The following ACTN4 variants were observed in gnomAD, a reference collection of about 807,000 sequenced individuals.
ACTN4 encodes the protein actinin alpha 4, also known as alpha-actinin-4.
Under a neutral mutation model 114.2 loss-of-function variants are expected in ACTN4, and 18 were observed. That is an observed-to-expected ratio of 0.16 (90% confidence interval 0.11 to 0.23). ACTN4 has a LOEUF of 0.23. Among genes scored for constraint, ACTN4 ranks in the 10% least tolerant of loss-of-function variants. ACTN4 has a pLI of 1.00. For missense variants in ACTN4, 722 were observed against 1,262.9 expected (o/e 0.57, Z 6.49); for synonymous variants, 515 against 506.3 (o/e 1.02, Z -0.23).
chr19:38,723,636 C>A lies in ACTN4; in HGVS notation c.1465C>A (p.His489Asn). The change falls in exon 13 of 21, where the codon CAC (histidine) becomes AAC (asparagine). Residue 489 changes from histidine to asparagine, a missense_variant. This residue lies in a region of ACTN4 where 523 missense variants were observed against 875.9 expected (regional missense o/e 0.60). Transcript: ENST00000252699. The stretch of plus-strand genomic sequence containing the variant: ...CAGCGAGCTGGATTACTACGACTCC[C>A]ACAATGTCAACACCCGGTGCCAGAA... ...ELNELDYYDS[H>N]NVNTRCQKIC... The A allele has an allele frequency of 6.2e-7, 1 of 1,613,214 alleles. No individual in the cohort carries two copies.
intron 1 of ACTN4, among the ~76,000 whole-genome samples, chr19:38,698,703 G>A (rs925142736): frequency 1.3e-5 from 2 of 152,136 alleles, no homozygotes; most frequent in African/African-American, 2.4e-5. Context: ...CACCAGGAGG[G>A]GTCTCTGTCT....
chr19:38,710,214 C>T (rs374145864), intron 7 of ACTN4, 43 bp from the exon 8 acceptor site: 301 of 1,605,628 alleles, frequency 1.9e-4, no homozygotes, highest in Non-Finnish European at 2.4e-4. Flanking sequence ...GCCTCCACCC[C>T]CCGCCCTACT....
In ACTN4 at chr19:38,727,257, G is replaced by A. The variant is rs1969267443; in HGVS notation, c.2337+154G>A. Among the ~76,000 whole-genome samples, 1 of 152,158 alleles carries A rather than the reference G, an allele frequency of 6.6e-6. No homozygotes were observed. Among genetic ancestry groups the A allele is most frequent in the African/African-American group, 2.4e-5 (1 of 41,434 alleles). ...AGCAGGGCCCTGCCACTGTCAGGGTGTAGGTGTGCGGCACCAAGACCCCAG... is the reference window on the plus strand; with the variant it reads ...AGCAGGGCCCTGCCACTGTCAGGGTATAGGTGTGCGGCACCAAGACCCCAG... On this transcript the variant is annotated intron_variant, in intron 18 of 20. Coordinates refer to ENST00000252699, the MANE Select transcript of ACTN4 (RefSeq NM_004924.6). This position sits in a 1 kb window ranked among gnomAD's most constrained non-coding sequence, Gnocchi z 5.4.
chr19:38,696,357 G>A (rs1020873696), intron 1 of ACTN4, among the ~76,000 whole-genome samples: 3 of 152,018 alleles, frequency 2.0e-5, no homozygotes, highest in Non-Finnish European at 4.4e-5. Flanking sequence ...TCATGAGGTC[G>A]GCTGCCCACA....
chr19:38,654,634 A>G (rs1176368324), intron 1 of ACTN4, among the ~76,000 whole-genome samples: 1 of 152,056 alleles, frequency 6.6e-6, no homozygotes, highest in African/African-American at 2.4e-5. Flanking sequence ...GCATCCTTAC[A>G]TCAGTGCATG....
intron 1 of ACTN4, among the ~76,000 whole-genome samples, chr19:38,696,874 G>A (rs1428028129): frequency 6.6e-6 from 1 of 152,264 alleles, no homozygotes; most frequent in Non-Finnish European, 1.5e-5. Context: ...GGCTTTGCCT[G>A]TGTCAGTCAG....
In ACTN4 at chr19:38,717,190, G is replaced by A. The variant is rs773044629; in HGVS notation, c.1017G>A (p.Arg339=). The change falls in exon 10 of 21, where the codon CGG becomes CGA. Residue 339 remains arginine (R), a synonymous_variant. Transcript: ENST00000252699. This position sits in a 1 kb window ranked among gnomAD's most constrained non-coding sequence, Gnocchi z 4.0. Reference sequence around the variant, plus strand: ...AGCTGGAGGACTTCCGCGACTACCGGCGTGTGCACAAGCCGCCCAAGGTGC... The same window carrying A: ...AGCTGGAGGACTTCCGCGACTACCGACGTGTGCACAAGCCGCCCAAGGTGC... ...QQKLEDFRDY[R]RVHKPPKVQE... The A allele has an allele frequency of 6.2e-7, 1 of 1,614,266 alleles. No individual in the cohort carries two copies. The highest frequency in any genetic ancestry group is 1.1e-5 in the South Asian group (1 of 91,086).
chr19:38,658,186 G>C (rs1335088057), intron 1 of ACTN4, among the ~76,000 whole-genome samples: 1 of 152,220 alleles, frequency 6.6e-6, no homozygotes, highest in African/African-American at 2.4e-5. Context: ...TTGATGAGGA[G>C]TGTGCATTTG....
Position 38,724,266 on chromosome 19 carries a change from A to G in ACTN4, c.1802A>G (p.Asn601Ser), listed in dbSNP as rs1969152919. The change falls in exon 15 of 21, where the codon AAC (asparagine) becomes AGC (serine). Residue 601 changes from asparagine (N) to serine (S), a missense_variant. Physicochemically the swap from Asn to Ser is conservative, Grantham distance 46. Coordinates refer to ENST00000252699, the MANE Select transcript of ACTN4 (RefSeq NM_004924.6). This position sits in a 1 kb window ranked among gnomAD's most constrained non-coding sequence, Gnocchi z 7.0. Reference protein sequence around the residue: ...HKEAQRIAESNHIKLSGSNPY... With the variant: ...HKEAQRIAESSHIKLSGSNPY... ...GAGGCCCAGAGGATCGCTGAGAGCA[A>G]CCACATCAAGCTGTCGGGCAGCAAC... 1 of 1,613,964 alleles carries G rather than the reference A, an allele frequency of 6.2e-7. No homozygotes were observed. Among genetic ancestry groups the G allele is most frequent in the Non-Finnish European group, 8.5e-7 (1 of 1,180,012 alleles).
chr19:38,649,429 A>G (rs920127580), intron 1 of ACTN4, among the ~76,000 whole-genome samples: 62 of 151,926 alleles, frequency 4.1e-4, no homozygotes, highest in African/African-American at 1.5e-3. Context: ...AGTTGGAAGC[A>G]TTTCGTGGGA....
intron 1 of ACTN4, among the ~76,000 whole-genome samples, chr19:38,672,674 A>G (rs548962787): frequency 6.6e-6 from 1 of 152,044 alleles, no homozygotes; most frequent in South Asian, 2.1e-4. Flanking sequence ...CCCGGGTTCA[A>G]GCAATTCTCC....
chr19:38,725,983 G>A lies in ACTN4; in HGVS notation c.2190+80G>A. 19 of 1,544,804 alleles carry A rather than the reference G, an allele frequency of 1.2e-5. No individual in the cohort carries two copies. The South Asian group carries it at 2.0e-4, about 16-fold the overall frequency. ...TGGAAATGGTTCGGGCCAGTGAGAA[G>A]ATAGCTGTCTGCTGTCTGTTGTTTT... On this transcript the variant is annotated intron_variant, in intron 17 of 20. Transcript: ENST00000252699.
At position 38,717,618 on chromosome 19, in the gene ACTN4, G is replaced by A. The variant is rs946719336; in HGVS notation, c.1143+302G>A. Among the ~76,000 whole-genome samples the A allele has an allele frequency of 3.9e-5, 6 of 152,208 alleles. No homozygotes were observed. The highest frequency in any genetic ancestry group is 7.3e-5 in the Non-Finnish European group (5 of 68,036). ...CGTGGTCTGCCATGATGGCATGACCGCCATGTGCTTGAGGCCCTTCATCAG... is the reference window on the plus strand; with the variant it reads ...CGTGGTCTGCCATGATGGCATGACCACCATGTGCTTGAGGCCCTTCATCAG... On this transcript the variant is annotated intron_variant, in intron 10 of 20. Transcript: ENST00000252699. This position sits in a 1 kb window ranked among gnomAD's most constrained non-coding sequence, Gnocchi z 4.0.
Position 38,730,612 on chromosome 19 carries a change from CTT to C in ACTN4, c.*1181_*1182del. The C allele has an allele frequency of 1.7e-6, 1 of 603,514 alleles. No individual in the cohort carries two copies. The highest frequency in any genetic ancestry group is 3.0e-6 in the Non-Finnish European group (1 of 337,746). The allele number at this position is 603,514 out of a possible 1,614,324, so 37.4% of individuals were successfully genotyped here. On this transcript the variant is annotated 3_prime_UTR_variant, in exon 21 of 21. Transcript: ENST00000252699. ...AGAGCCAGGGCAGAGCTAGCACTGT[CTT>C]AAGCTGTCAACGTGGACTAGCTCGT...
At position 38,727,972 on chromosome 19, in the gene ACTN4, G is replaced by C. The variant is rs1237849524; in HGVS notation, c.2364G>C (p.Glu788Asp). The change falls in exon 19 of 21, where the codon GAG becomes GAC. Residue 788 changes from glutamate to aspartate, a missense_variant. Transcript: ENST00000252699. This position sits in a 1 kb window ranked among gnomAD's most constrained non-coding sequence, Gnocchi z 5.4. Reference sequence around the variant, plus strand: ...ATCATGGCGGGGCGCTGGGGCCCGAGGAGTTCAAGGCCTGCCTCATCAGCC... The same window carrying C: ...ATCATGGCGGGGCGCTGGGGCCCGACGAGTTCAAGGCCTGCCTCATCAGCC... The part of the protein sequence containing the change: ...DKDHGGALGP[E>D]EFKACLISLG... The C allele has an allele frequency of 6.2e-7, 1 of 1,612,640 alleles. No homozygotes were observed. Among genetic ancestry groups the C allele is most frequent in the African/African-American group, 1.3e-5 (1 of 74,884 alleles).
At chr19:38,696,872 C>T (rs536034999) in intron 1 of ACTN4, among the ~76,000 whole-genome samples, 3 of 152,346 alleles carry the variant, frequency 2.0e-5, no homozygotes, top group East Asian at 3.9e-4. Context: ...GGGGCTTTGC[C>T]TGTGTCAGTC....
chr19:38,670,708 A>T (rs1471468784), intron 1 of ACTN4, among the ~76,000 whole-genome samples: 1 of 152,006 alleles, frequency 6.6e-6, no homozygotes, highest in African/African-American at 2.4e-5. Context: ...GTGGATCACG[A>T]GGTCAGGAGA....
chr19:38,726,821 G>T, intron 17 of ACTN4, 136 bp from the exon 18 acceptor site: 1 of 1,316,606 alleles, frequency 7.6e-7, no homozygotes, highest in Non-Finnish European at 1.0e-6. Flanking sequence ...ACCATGGCCC[G>T]TGTCCCCTGT....
chr19:38,707,705 T>TC (rs1396156467), intron 5 of ACTN4, among the ~76,000 whole-genome samples: 2 of 152,090 alleles, frequency 1.3e-5, no homozygotes, highest in African/African-American at 4.8e-5. Context: ...AGTGGCCACC[T>TC]CCCCCGAAGC....
Sources: gnomAD v4.1 joint callset for allele counts (sites outside exome capture counted in the v4.1 genomes callset) on GRCh38, gnomAD v4.1.1 for gene constraint, gnomAD v4.1.1 regional missense constraint, Gnocchi (gnomAD v3.1) non-coding constraint, MANE v1.5 for transcripts, NCBI Gene and HGNC (gene_info 2026-07-23, HGNC 2026-07-21) for gene names.